The following GOLGA8B variants were observed in gnomAD, a reference collection of about 807,000 sequenced individuals.
GOLGA8B encodes golgin subfamily A member 8B.
In GOLGA8B, 1 loss-of-function variant was observed where a neutral mutation model predicts 15.6. The ratio of observed to expected loss-of-function variants is 0.06; its 90% CI spans 0.02 to 0.30. The LOEUF is 0.30. Ranked by LOEUF, GOLGA8B falls within the 10% of genes least tolerant of loss-of-function variation. The pLI is 1.00. For missense variants in GOLGA8B, 17 were observed against 201.3 expected, an observed-to-expected ratio of 0.08 and a Z score of 5.54; for synonymous variants, 9 against 80.3, an observed-to-expected ratio of 0.11 and a Z score of 4.75.
At chr15:34,575,106 T>TAAAAAAA (rs67726333) in intron 1 of GOLGA8B, among the ~76,000 whole-genome samples, 26 of 138,374 alleles carry the variant, frequency 1.9e-4, no homozygotes, top group Admixed American at 6.5e-4. Context: ...TAAATCCTTG[T>TAAAAAAA]AAAAAAAAAA....
chr15:34,575,856 C>T (rs1355790902), intron 1 of GOLGA8B, among the ~76,000 whole-genome samples: 1 of 152,258 alleles, frequency 6.6e-6, no homozygotes, highest in Non-Finnish European at 1.5e-5. Flanking sequence ...CTCCTGATCC[C>T]ACCCAGCTCT....
intron 1 of GOLGA8B, among the ~76,000 whole-genome samples, chr15:34,567,285 C>G (rs1017525796): frequency 6.8e-6 from 1 of 146,938 alleles, no homozygotes; most frequent in Non-Finnish European, 1.5e-5. Context: ...CTGGCTCCTG[C>G]TGAAAAGCCA....
chr15:34,573,518 T>C (rs1398224910), intron 1 of GOLGA8B, among the ~76,000 whole-genome samples: 46 of 119,652 alleles, frequency 3.8e-4, no homozygotes, highest in South Asian at 3.3e-3. Context: ...GCCTGGGTGA[T>C]AGAGTGAGAC....
rs77431455 is a variant in GOLGA8B at position 34,579,137 on chromosome 15, C to T, written c.-1123+4379G>A. On this transcript the variant is annotated intron_variant, in intron 1 of 23. Coordinates refer to ENST00000683415, the MANE Select transcript of GOLGA8B (RefSeq NM_001023567.5). ...AAAGACTCTCAAGCCAGAAGACTGGCCCTGGACCCCAGGGTTTAGTGGCAG... is the reference window on the plus strand; with the variant it reads ...AAAGACTCTCAAGCCAGAAGACTGGTCCTGGACCCCAGGGTTTAGTGGCAG... Among the ~76,000 whole-genome samples, 102 of 152,016 alleles carry T rather than the reference C, an allele frequency of 6.7e-4. No individual in the cohort carries two copies. In the East Asian group the frequency reaches 0.017, roughly 25 times the overall value.
At chr15:34,572,245 G>A (rs536167808) in intron 1 of GOLGA8B, among the ~76,000 whole-genome samples, 1 of 152,188 alleles carries the variant, frequency 6.6e-6, no homozygotes, top group Non-Finnish European at 1.5e-5. Flanking sequence ...TGTCAAGAGA[G>A]CAATTTGGCA....
intron 1 of GOLGA8B, among the ~76,000 whole-genome samples, chr15:34,581,839 G>A (rs1347886213): frequency 2.0e-5 from 3 of 152,126 alleles, no homozygotes; most frequent in Admixed American, 6.5e-5. Flanking sequence ...CAAATGAGAG[G>A]GAAGACTTGG....
In GOLGA8B at chr15:34,527,820, T is replaced by C. The variant is rs1595696730; in HGVS notation, c.1624A>G (p.Ser542Gly). The change falls in exon 24 of 24, where the codon AGC becomes GGC. Residue 542 changes from serine (S) to glycine (G), a missense_variant. Ser to Gly is a moderately conservative substitution (Grantham distance 56). Coordinates refer to ENST00000683415, the MANE Select transcript of GOLGA8B (RefSeq NM_001023567.5). ...GCAGGCTCCACGCTGTTGGTGAGGC[T>C]CGCCTCACAAAGATCTTTGGAGAGA... ...ADKHGDLCEA[S>G]LTNSVEPAQG... 6.4e-7 allele frequency: 1 copy of C among 1,568,426 alleles called. No homozygotes were observed. The highest frequency in any genetic ancestry group is 2.3e-5 in the East Asian group (1 of 43,908).
chr15:34,581,901 T>TC (rs1183874341), intron 1 of GOLGA8B, among the ~76,000 whole-genome samples: 1 of 151,996 alleles, frequency 6.6e-6, no homozygotes, highest in Non-Finnish European at 1.5e-5. Context: ...GGGAGCCCAC[T>TC]CCAAGGGCCC....
chr15:34,580,270 C>G (rs1290570185), intron 1 of GOLGA8B, among the ~76,000 whole-genome samples: 2 of 152,134 alleles, frequency 1.3e-5, no homozygotes, highest in African/African-American at 4.8e-5. Context: ...GCCAGGAGAG[C>G]CTGGAGGGAC....
intron 1 of GOLGA8B, among the ~76,000 whole-genome samples, chr15:34,571,008 TG>T (rs1231644679): frequency 7.2e-6 from 1 of 138,822 alleles, no homozygotes; most frequent in Non-Finnish European, 1.6e-5. Flanking sequence ...AATCAGAATA[TG>T]GGATGAATTT....
chr15:34,573,867 G>C (rs148665044), intron 1 of GOLGA8B, among the ~76,000 whole-genome samples: 1,964 of 151,588 alleles, frequency 0.013, 26 homozygotes, highest in Admixed American at 0.024. Flanking sequence ...CAGCCTGCCA[G>C]CCATCGGACT....
In GOLGA8B at chr15:34,557,643, AAT is replaced by A. The variant is rs1491134309; in HGVS notation, c.-1122-3689_-1122-3688del. ...TATTTTTTTCTGAGAAGAATTCATGAATGTGTGTGTGTGTGTGTGTGTGTGTG... is the reference window on the plus strand; with the variant it reads ...TATTTTTTTCTGAGAAGAATTCATGAGTGTGTGTGTGTGTGTGTGTGTGTG... On this transcript the variant is annotated intron_variant, in intron 1 of 23. Transcript: ENST00000683415. Among the ~76,000 whole-genome samples the A allele has an allele frequency of 1.6e-4, 5 of 31,468 alleles. No individual in the cohort carries two copies. The East Asian group carries it at 2.0e-3, about 13-fold the overall frequency. 20.6% of individuals were successfully genotyped at this position (31,468 alleles called of 152,430 possible). A position where few individuals can be genotyped will look rare whatever the true frequency, so the allele number is the denominator to read the frequency against.
chr15:34,580,717 C>G (rs536241179), intron 1 of GOLGA8B, among the ~76,000 whole-genome samples: 1 of 152,132 alleles, frequency 6.6e-6, no homozygotes, highest in African/African-American at 2.4e-5. Context: ...AGGAAAGAGC[C>G]GGAGAAGCCT....
At chr15:34,565,135 CTT>C (rs71119971) in intron 1 of GOLGA8B, among the ~76,000 whole-genome samples, 11,254 of 106,976 alleles carry the variant, frequency 0.11, 475 homozygotes, top group South Asian at 0.23. Context: ...ATCCAGTTCT[CTT>C]TTTTTTTTTT....
chr15:34,578,524 C>G (rs538097918), intron 1 of GOLGA8B, among the ~76,000 whole-genome samples: 1 of 152,326 alleles, frequency 6.6e-6, no homozygotes, highest in Non-Finnish European at 1.5e-5. Flanking sequence ...AGCTCAGGCT[C>G]AAAGGCCAGC....
intron 7 of GOLGA8B, among the ~76,000 whole-genome samples, chr15:34,543,737 T>A (rs1333394099): frequency 1.0e-5 from 1 of 97,032 alleles, no homozygotes; most frequent in Non-Finnish European, 2.0e-5. Context: ...ATTCATTGTT[T>A]CTGATAATTC....
chr15:34,578,547 C>T (rs1449494786), intron 1 of GOLGA8B, among the ~76,000 whole-genome samples: 2 of 152,356 alleles, frequency 1.3e-5, no homozygotes, highest in East Asian at 3.9e-4. Flanking sequence ...TGCCCCGTCA[C>T]AGCAGAGTGC....
intron 1 of GOLGA8B, among the ~76,000 whole-genome samples, chr15:34,581,028 A>C (rs868655144): frequency 1.3e-4 from 20 of 152,332 alleles, no homozygotes; most frequent in Admixed American, 2.6e-4. Flanking sequence ...GACCAGGCTG[A>C]AACGCAGGGC....
chr15:34,581,025 C>A (rs181593908), intron 1 of GOLGA8B, among the ~76,000 whole-genome samples: 136 of 152,328 alleles, frequency 8.9e-4, no homozygotes, highest in African/African-American at 3.1e-3. Flanking sequence ...AAGGACCAGG[C>A]TGAAACGCAG....
Sources: gnomAD v4.1 joint callset for allele counts (sites outside exome capture counted in the v4.1 genomes callset) on GRCh38, gnomAD v4.1.1 for gene constraint, MANE v1.5 for transcripts, NCBI Gene and HGNC (gene_info 2026-07-23, HGNC 2026-07-21) for gene names.